The following STK3 variants were observed in gnomAD, a reference collection of about 807,000 sequenced individuals.
The protein encoded by STK3 is serine/threonine-protein kinase 3.
A neutral mutation model predicts 58.0 loss-of-function variants in STK3; 41 were observed. That is an observed-to-expected ratio of 0.71 (90% CI 0.55 to 0.92). STK3 has a LOEUF of 0.92. STK3 is among the 40% of genes least tolerant of loss of function. The pLI is 0.00. For synonymous variants in STK3, 170 were observed against 191.0 expected, an observed-to-expected ratio of 0.89 and a Z score of 0.91; for missense variants, 479 against 602.7, an observed-to-expected ratio of 0.79 and a Z score of 2.15.
intron 6 of STK3, among the ~76,000 whole-genome samples, chr8:98,611,487 C>T (rs997623176): frequency 1.1e-4 from 17 of 152,080 alleles, no homozygotes; most frequent in African/African-American, 4.1e-4. Context: ...CCCTCATTTT[C>T]GTGCCTAGGG....
chr8:98,505,246 C>A (rs911922298), intron 10 of STK3, among the ~76,000 whole-genome samples: 2 of 152,176 alleles, frequency 1.3e-5, no homozygotes, highest in Admixed American at 6.5e-5. Flanking sequence ...TCCATCAGGT[C>A]ATTTAAGGTC....
chr8:98,879,910 G>A (rs897718581), downstream of STK3: 2 of 152,064 alleles, frequency 1.3e-5, no homozygotes, highest in East Asian at 1.9e-4. Context: ...TTTTGAACTC[G>A]AATAAGAAAA....
At chr8:98,375,687 T>G (rs931988181) in intron 2 of STK3, among the ~76,000 whole-genome samples, 8 of 152,126 alleles carry the variant, frequency 5.3e-5, no homozygotes, top group African/African-American at 1.7e-4. Context: ...TTTTTTTTAC[T>G]CAACATAGTA....
chr8:98,545,381 G>A (rs535712378), intron 9 of STK3, among the ~76,000 whole-genome samples: 43 of 152,288 alleles, frequency 2.8e-4, no homozygotes, highest in African/African-American at 9.6e-4. Flanking sequence ...GACTGGGAGC[G>A]GGAGGGTAAA....
chr8:98,448,946 GA>G (rs1563612700), intron 1 of STK3, among the ~76,000 whole-genome samples: 4 of 151,948 alleles, frequency 2.6e-5, no homozygotes, highest in Middle Eastern at 3.4e-3. Flanking sequence ...CAGAGAGGTA[GA>G]TTTTTTTATA....
chr8:98,873,089 A>T (rs3099596), intron 3 of STK3, among the ~76,000 whole-genome samples: 1 of 151,678 alleles, frequency 6.6e-6, no homozygotes, highest in Non-Finnish European at 1.5e-5. Context: ...CCTTCATTTC[A>T]TTATGTACCC....
intron 6 of STK3, among the ~76,000 whole-genome samples, chr8:98,688,234 T>C (rs959215759): frequency 1.3e-5 from 2 of 152,208 alleles, no homozygotes; most frequent in African/African-American, 4.8e-5. Flanking sequence ...TCCTTAAATA[T>C]ATACACACTC....
chr8:98,596,021 C>T lies in STK3; in HGVS notation c.822+11G>A. ...AGAAAATATCCTTCCCTTCGAGGCA[C>T]AAGCACTGACCTGTAAAAGTTGTGT... On this transcript the variant is annotated intron_variant, in intron 7 of 10. Coordinates refer to ENST00000419617, the MANE Select transcript of STK3 (RefSeq NM_006281.4). 2 of 1,609,622 alleles carry T rather than the reference C, an allele frequency of 1.2e-6. No individual in the cohort carries two copies. The highest frequency in any genetic ancestry group is 1.3e-5 in the African/African-American group (1 of 74,996).
the STK3 span, among the ~76,000 whole-genome samples, chr8:98,365,729 C>A: frequency 6.9e-6 from 1 of 144,602 alleles, no homozygotes; most frequent in African/African-American, 2.5e-5. Flanking sequence ...TATTGATAAA[C>A]AATATATAAC....
chr8:98,699,019 T>C (rs967817321), intron 6 of STK3, among the ~76,000 whole-genome samples: 1 of 152,264 alleles, frequency 6.6e-6, no homozygotes, highest in South Asian at 2.1e-4. Context: ...GAAGATCTGG[T>C]CTTTTCACAT....
chr8:98,391,831 G>T (rs1420827947), upstream of STK3, among the ~76,000 whole-genome samples: 1 of 152,134 alleles, frequency 6.6e-6, no homozygotes, highest in Non-Finnish European at 1.5e-5. Flanking sequence ...TTCAATATGT[G>T]CCTCTGAAGA....
At chr8:98,592,447 T>C (rs1211785235) in intron 7 of STK3, among the ~76,000 whole-genome samples, 4 of 152,228 alleles carry the variant, frequency 2.6e-5, no homozygotes, top group African/African-American at 9.6e-5. Context: ...CTGTGCATCA[T>C]GAATGTAACT....
At chr8:98,817,252 G>A (rs1202231016) in intron 1 of STK3, among the ~76,000 whole-genome samples, 2 of 152,020 alleles carry the variant, frequency 1.3e-5, no homozygotes, top group Non-Finnish European at 2.9e-5. Context: ...TCAGTAGTTC[G>A]AGACCAGACA....
At chr8:98,671,320 G>GA (rs1487634181) in intron 6 of STK3, among the ~76,000 whole-genome samples, 2 of 151,876 alleles carry the variant, frequency 1.3e-5, no homozygotes, top group Non-Finnish European at 1.5e-5. Flanking sequence ...ATCTGAGGGG[G>GA]AAAAAACCCA....
intron 4 of STK3, chr8:98,722,983 A>AAC (rs539721491): frequency 7.3e-6 from 3 of 410,154 alleles, no homozygotes; most frequent in African/African-American, 2.1e-5. Flanking sequence ...AAAACAAACA[A>AAC]AAAAAAAATT....
At chr8:98,529,611 A>G (rs972433104) in intron 9 of STK3, among the ~76,000 whole-genome samples, 1 of 152,226 alleles carries the variant, frequency 6.6e-6, no homozygotes, top group African/African-American at 2.4e-5. Context: ...TCTTGAAGAG[A>G]TAACTGTAAC....
intron 9 of STK3, 131 bp downstream of exon 9, chr8:98,547,838 A>T: frequency 1.4e-6 from 1 of 720,362 alleles, no homozygotes; most frequent in Non-Finnish European, 2.0e-6. Context: ...ACTCTTTTTT[A>T]CTGTTACATA....
chr8:98,663,448 T>C (rs1822113395), intron 6 of STK3, among the ~76,000 whole-genome samples: 1 of 152,224 alleles, frequency 6.6e-6, no homozygotes, highest in South Asian at 2.1e-4. Flanking sequence ...TCAACCACTG[T>C]GGAAGTCAGT....
chr8:98,780,563 G>A (rs955005570), intron 1 of STK3, among the ~76,000 whole-genome samples: 1 of 151,688 alleles, frequency 6.6e-6, no homozygotes, highest in South Asian at 2.1e-4. Context: ...TTTTAGTTTT[G>A]CAGTCTATTT....
Sources: gnomAD v4.1 joint callset for allele counts (sites outside exome capture counted in the v4.1 genomes callset) on GRCh38, gnomAD v4.1.1 for gene constraint, MANE v1.5 for transcripts, NCBI Gene and HGNC (gene_info 2026-07-23, HGNC 2026-07-21) for gene names.